NR3C2: variants seen among roughly 807,000 people sequenced by gnomAD.
NR3C2 encodes the protein mineralocorticoid receptor.
Under a neutral mutation model 86.4 loss-of-function variants are expected in NR3C2, and 15 were observed. The ratio of observed to expected loss-of-function variants is 0.17; its 90% confidence interval spans 0.12 to 0.27. The LOEUF is 0.27. NR3C2 is among the 10% of genes least tolerant of loss of function. The probability of loss-of-function intolerance (pLI) is 1.00; values close to 1 mark genes in which losing one functional copy is unlikely to be tolerated. For synonymous variants in NR3C2, 458 were observed against 450.5 expected (o/e 1.02, Z -0.21); for missense variants, 960 against 1,195.6 (o/e 0.80, Z 2.91).
intron 2 of NR3C2, among the ~76,000 whole-genome samples, chr4:148,284,937 A>G (rs1741439695): frequency 6.6e-6 from 1 of 152,222 alleles, no homozygotes; most frequent in African/African-American, 2.4e-5. Context: ...CAGGCTAGTA[A>G]AAGCTAACTA....
intron 3 of NR3C2, among the ~76,000 whole-genome samples, chr4:148,238,698 T>C (rs28408866): frequency 0.046 from 6,983 of 152,260 alleles, 513 homozygotes; most frequent in African/African-American, 0.16. Context: ...CATTCACTTA[T>C]TCATTCACCT....
intron 2 of NR3C2, among the ~76,000 whole-genome samples, chr4:148,316,030 A>G (rs1283279465): frequency 6.6e-6 from 1 of 152,228 alleles, no homozygotes; most frequent in East Asian, 1.9e-4. Flanking sequence ...AGGGAAAACC[A>G]ATAATGCCAA....
chr4:148,260,103 C>T lies in NR3C2; in HGVS notation c.1772G>A (p.Ser591Asn), dbSNP rs763708659. Reference protein sequence around the residue: ...PENVSSSTLRSVSTGSSRPSK... With the variant: ...PENVSSSTLRNVSTGSSRPSK... ...AGGTCTTGAAGATCCAGTAGAAACA[C>T]TTCGTAAAGTAGAGCTGGGGAAAGA... Residue 591 changes from serine (S) to asparagine (N), a missense_variant, in exon 3 of 9, where the codon AGT (serine) becomes AAT (asparagine). By Grantham distance (46) the Ser-to-Asn change is conservative (BLOSUM62 1). Coordinates refer to ENST00000358102, the MANE Select transcript of NR3C2 (RefSeq NM_000901.5). 1 of 1,613,932 alleles carries T rather than the reference C, an allele frequency of 6.2e-7. No homozygotes were observed. The highest frequency in any genetic ancestry group is 1.3e-5 in the African/African-American group (1 of 74,938).
intron 2 of NR3C2, among the ~76,000 whole-genome samples, chr4:148,424,859 C>T (rs13123626): frequency 0.57 from 86,644 of 151,998 alleles, 26,119 homozygotes; most frequent in East Asian, 0.7. Flanking sequence ...CTACACATTT[C>T]ACAAAACATG....
chr4:148,311,693 A>G (rs1216318413), intron 2 of NR3C2, among the ~76,000 whole-genome samples: 1 of 152,228 alleles, frequency 6.6e-6, no homozygotes, highest in Non-Finnish European at 1.5e-5. Flanking sequence ...TGCCCCAGTG[A>G]CAACTTAAGT....
At chr4:148,290,365 C>T (rs1049049910) in intron 2 of NR3C2, among the ~76,000 whole-genome samples, 2 of 152,030 alleles carry the variant, frequency 1.3e-5, no homozygotes, top group Admixed American at 1.3e-4. Context: ...GGGGAGGGGG[C>T]AAAGAGAGAA....
At chr4:148,110,187 A>T (rs946060750) in intron 8 of NR3C2, among the ~76,000 whole-genome samples, 2 of 152,218 alleles carry the variant, frequency 1.3e-5, no homozygotes, top group African/African-American at 4.8e-5. Flanking sequence ...ATGATTCATT[A>T]AAGTTGTTAA....
At chr4:148,419,196 A>G (rs1183281998) in intron 2 of NR3C2, among the ~76,000 whole-genome samples, 1 of 152,156 alleles carries the variant, frequency 6.6e-6, no homozygotes, top group Non-Finnish European at 1.5e-5. Context: ...TGGTGAACAA[A>G]CAACTCAAAT....
At chr4:148,232,903 A>G (rs545769525) in intron 3 of NR3C2, among the ~76,000 whole-genome samples, 1 of 152,310 alleles carries the variant, frequency 6.6e-6, no homozygotes, top group East Asian at 1.9e-4. Context: ...AACCTCTGCA[A>G]GCTTCAAACA....
upstream of NR3C2, chr4:148,444,620 T>G (rs1346567341): frequency 1.0e-6 from 1 of 986,680 alleles, no homozygotes; most frequent in East Asian, 1.1e-4. Context: ...AAGTCCAATA[T>G]TGGCTGATCG....
intron 2 of NR3C2, among the ~76,000 whole-genome samples, chr4:148,395,168 C>G (rs2126508413): frequency 6.6e-6 from 1 of 152,004 alleles, no homozygotes; most frequent in East Asian, 1.9e-4. Context: ...AATGTTTTCC[C>G]ACTAGTTACT....
intron 2 of NR3C2, among the ~76,000 whole-genome samples, chr4:148,287,619 T>C (rs531850159): frequency 4.6e-5 from 7 of 152,290 alleles, no homozygotes; most frequent in South Asian, 4.1e-4. Flanking sequence ...CAAATACCAT[T>C]AAAAGAAAAC....
chr4:148,171,517 C>CTCAGATCAT (rs1318457815), intron 4 of NR3C2, among the ~76,000 whole-genome samples: 1 of 152,148 alleles, frequency 6.6e-6, no homozygotes, highest in African/African-American at 2.4e-5. Context: ...ACTGTTCCAC[C>CTCAGATCAT]TCAGATCATC....
At chr4:148,238,999 C>A (rs960811015) in intron 3 of NR3C2, among the ~76,000 whole-genome samples, 8 of 152,148 alleles carry the variant, frequency 5.3e-5, no homozygotes, top group Non-Finnish European at 1.2e-4. Context: ...GTGGGGCAAG[C>A]AGCCCAACAG....
chr4:148,370,740 A>T (rs1019733394), intron 2 of NR3C2, among the ~76,000 whole-genome samples: 1 of 152,130 alleles, frequency 6.6e-6, no homozygotes, highest in Non-Finnish European at 1.5e-5. Flanking sequence ...ATAAAGAGGG[A>T]TCCATTTTAC....
At chr4:148,445,301 C>G (rs909308256), upstream of NR3C2, among the ~76,000 whole-genome samples, 3 of 151,808 alleles carry the variant, frequency 2.0e-5, no homozygotes, top group South Asian at 2.1e-4. Flanking sequence ...TCCTGCTCCT[C>G]GGCTGCCCAC....
At chr4:148,310,637 C>T (rs1035950495) in intron 2 of NR3C2, among the ~76,000 whole-genome samples, 5 of 152,206 alleles carry the variant, frequency 3.3e-5, no homozygotes, top group Non-Finnish European at 7.3e-5. Flanking sequence ...AATGTCGACT[C>T]TTCGCCTGGT....
chr4:148,238,244 G>A (rs370257794), intron 3 of NR3C2, among the ~76,000 whole-genome samples: 13 of 152,206 alleles, frequency 8.5e-5, no homozygotes, highest in African/African-American at 2.9e-4. Flanking sequence ...CCAAAACAAT[G>A]TTTCCCTGAG....
At chr4:148,087,256 C>T (rs1730857547) in intron 8 of NR3C2, among the ~76,000 whole-genome samples, 2 of 152,052 alleles carry the variant, frequency 1.3e-5, no homozygotes, top group South Asian at 4.1e-4. Flanking sequence ...AGAGATGACA[C>T]AAGTGGAAAA....
Sources: allele counts gnomAD v4.1 joint callset (sites outside exome capture counted in the v4.1 genomes callset), GRCh38; gene constraint gnomAD v4.1.1; transcripts MANE v1.5; gene names NCBI Gene and HGNC (gene_info 2026-07-23, HGNC 2026-07-21).